The following FGF13 variants were observed in gnomAD, a reference collection of about 807,000 sequenced individuals.
FGF13 encodes the protein fibroblast growth factor 13.
In FGF13, 2 loss-of-function variants were observed where a neutral mutation model predicts 19.5. That is an observed-to-expected ratio of 0.10 (90% CI 0.04 to 0.32). The LOEUF (loss-of-function observed/expected upper bound fraction) is 0.32. FGF13 is among the 10% of genes least tolerant of loss of function. The pLI is 1.00. For synonymous variants in FGF13, 72 were observed against 76.9 expected (o/e 0.94, Z 0.33); for missense variants, 113 against 192.7 (o/e 0.59, Z 2.45).
intron 1 of FGF13, among the ~76,000 whole-genome samples, chrX:139,080,913 T>A (rs2078847550): frequency 9.0e-6 from 1 of 110,706 alleles, no homozygotes; most frequent in Non-Finnish European, 1.9e-5. Flanking sequence ...CTGTAATTAC[T>A]CCCTCTCATG....
intron 1 of FGF13, among the ~76,000 whole-genome samples, chrX:139,110,213 T>C (rs1033142307): frequency 2.7e-5 from 3 of 110,455 alleles, no homozygotes; most frequent in Non-Finnish European, 5.7e-5. Context: ...CTTATGTACA[T>C]ATAATGTATA....
rs755327786 is a variant in FGF13, at chrX:139,201,274, T to C, written c.-113+2142A>G. 1.9e-4 allele frequency among the ~76,000 whole-genome samples: 21 copies of C among 112,152 alleles called. No homozygotes were observed. The Admixed American group carries it at 1.9e-3, about 10-fold the overall frequency. ...CAATTTATGTACTCTTAAGGCCATA[T>C]TTCATTCAGCAGCACAAAATAATTT... On this transcript the variant is annotated intron_variant, in intron 1 of 2. Transcript: ENST00000421460.
intron 3 of FGF13, among the ~76,000 whole-genome samples, chrX:138,780,527 A>G (rs1468943867): frequency 1.1e-5 from 1 of 88,999 alleles, no homozygotes; most frequent in East Asian, 3.5e-4. Context: ...AGTCTCTGAT[A>G]AAACAGACTT....
chrX:139,090,667 T>C (rs2083434141), intron 1 of FGF13, among the ~76,000 whole-genome samples: 1 of 110,820 alleles, frequency 9.0e-6, no homozygotes, highest in South Asian at 3.9e-4. Context: ...AGGCCGAGTG[T>C]GGTGGCTCAC....
chrX:138,952,584 A>C (rs762216394), intron 1 of FGF13, among the ~76,000 whole-genome samples: 173 of 111,430 alleles, frequency 1.6e-3, no homozygotes, highest in African/African-American at 5.5e-3. Context: ...AATGGGATCT[A>C]ATTAAACTAA....
chrX:138,729,673 CAAAT>C (rs1286951320), intron 1 of FGF13, among the ~76,000 whole-genome samples: 2 of 108,640 alleles, frequency 1.8e-5, no homozygotes, highest in African/African-American at 6.8e-5. Flanking sequence ...CAGAGAATAT[CAAAT>C]AAGCCTAATA....
chrX:139,163,795 C>T (rs2084056172), intron 1 of FGF13, among the ~76,000 whole-genome samples: 2 of 111,502 alleles, frequency 1.8e-5, no homozygotes, highest in African/African-American at 6.5e-5. Context: ...ATGAATTCAA[C>T]AACTCTAAAA....
At chrX:139,203,001 C>T (rs1181116163) in intron 1 of FGF13, among the ~76,000 whole-genome samples, 1 of 112,380 alleles carries the variant, frequency 8.9e-6, no homozygotes. Flanking sequence ...CTTCCATATT[C>T]CCTCTCTGTG....
At chrX:138,957,475 T>A (rs2091846511) in intron 1 of FGF13, among the ~76,000 whole-genome samples, 1 of 112,043 alleles carries the variant, frequency 8.9e-6, no homozygotes, top group South Asian at 3.7e-4. Context: ...AGCTTTGTTC[T>A]TTTGGCTTAG....
intron 1 of FGF13, among the ~76,000 whole-genome samples, chrX:138,724,107 T>C (rs1271044495): frequency 1.8e-5 from 2 of 111,667 alleles, no homozygotes; most frequent in Non-Finnish European, 3.8e-5. Context: ...TTACTTTCCA[T>C]CCAATATTTT....
intron 1 of FGF13, among the ~76,000 whole-genome samples, chrX:139,170,310 C>T (rs980551756): frequency 1.8e-5 from 2 of 111,262 alleles, no homozygotes; most frequent in African/African-American, 3.3e-5. Context: ...CTCACCACTG[C>T]TAGCATGATA....
At chrX:139,025,413 C>T (rs911223962) in intron 1 of FGF13, among the ~76,000 whole-genome samples, 4 of 111,706 alleles carry the variant, frequency 3.6e-5, no homozygotes, top group Non-Finnish European at 7.5e-5. Context: ...CTCTCTGCTT[C>T]ATCAAGACAA....
At chrX:138,965,730 T>C (rs1728900980) in intron 1 of FGF13, among the ~76,000 whole-genome samples, 1 of 111,697 alleles carries the variant, frequency 9.0e-6, no homozygotes, top group Non-Finnish European at 1.9e-5. Context: ...AACAGAGCAT[T>C]GAACCAATCA....
intron 1 of FGF13, among the ~76,000 whole-genome samples, chrX:139,160,313 A>T (rs2367451): frequency 0.12 from 13,208 of 111,672 alleles, 1,287 homozygotes; most frequent in African/African-American, 0.33. Flanking sequence ...ACACAACGTA[A>T]CACAATCTGT....
rs1417169423 is a variant in FGF13 at position 138,628,884 on chromosome X, A to G, written c.*3966T>C. ...GGCAATGAGCATGTCCTCTCTTTGG[A>G]TACAAACAAAACTCCTGGGAGGGGG... On this transcript the variant is annotated 3_prime_UTR_variant, in exon 5 of 5. Transcript: ENST00000315930. 1 of 112,035 alleles carries G rather than the reference A, an allele frequency of 8.9e-6. No individual in the cohort carries two copies. Among genetic ancestry groups the G allele is most frequent in the Non-Finnish European group, 1.9e-5 (1 of 53,233 alleles). The allele number at this position is 112,035 out of a possible 1,213,427, so 9.2% of individuals were successfully genotyped here.
intron 1 of FGF13, among the ~76,000 whole-genome samples, chrX:139,069,966 A>G (rs1169764506): frequency 8.9e-6 from 1 of 112,102 alleles, no homozygotes; most frequent in East Asian, 2.8e-4. Context: ...CTTACACCTT[A>G]TACAAAAAAT....
chrX:139,093,285 T>C (rs144580541), intron 1 of FGF13, among the ~76,000 whole-genome samples: 3 of 112,120 alleles, frequency 2.7e-5, no homozygotes, highest in African/African-American at 9.7e-5. Context: ...TTCGCAGCCA[T>C]GTGATTTCCT....
At chrX:139,072,588 G>A (rs931300116) in intron 1 of FGF13, among the ~76,000 whole-genome samples, 1 of 111,684 alleles carries the variant, frequency 9.0e-6, no homozygotes, top group African/African-American at 3.3e-5. Flanking sequence ...GCTGATATCA[G>A]GTCCACTGTC....
intron 3 of FGF13, among the ~76,000 whole-genome samples, chrX:138,663,525 T>C (rs1245810121): frequency 8.9e-6 from 1 of 111,907 alleles, no homozygotes; most frequent in Non-Finnish European, 1.9e-5. Context: ...TAATCCAGGA[T>C]GACAATTTCT....
Sources: allele counts gnomAD v4.1 joint callset (sites outside exome capture counted in the v4.1 genomes callset), GRCh38; gene constraint gnomAD v4.1.1; transcripts MANE v1.5; gene names NCBI Gene and HGNC (gene_info 2026-07-23, HGNC 2026-07-21).